The following PARVA variants were observed in gnomAD, a reference collection of about 807,000 sequenced individuals.
The protein encoded by PARVA is alpha-parvin.
A neutral mutation model predicts 52.6 loss-of-function variants in PARVA; 25 were observed. That is an observed-to-expected ratio of 0.48 (90% CI 0.35 to 0.66). The LOEUF (loss-of-function observed/expected upper bound fraction) is 0.66. Among genes scored for constraint, PARVA ranks in the 30% least tolerant of loss-of-function variants. The pLI is 0.01. For missense variants in PARVA, 373 were observed against 450.9 expected, an observed-to-expected ratio of 0.83 and a Z score of 1.56; for synonymous variants, 185 against 179.1, an observed-to-expected ratio of 1.03 and a Z score of -0.26.
chr11:12,404,482 C>T (rs1046707271), intron 1 of PARVA, among the ~76,000 whole-genome samples: 1 of 152,166 alleles, frequency 6.6e-6, no homozygotes, highest in African/African-American at 2.4e-5. Flanking sequence ...GGTGCTAGGA[C>T]CCAATCAGAG....
rs190833364 is a variant in PARVA at position 12,507,357 on chromosome 11, A to T, written c.658-1227A>T. Among the ~76,000 whole-genome samples, 21 of 152,084 alleles carry T rather than the reference A, an allele frequency of 1.4e-4. No homozygotes were observed. The East Asian group carries it at 3.9e-3, about 28-fold the overall frequency. ...GGTGTCTGGTGCTGGTGGTGGAGGG[A>T]CGTAGTAGAATGAATCTCCCTCCTC... On this transcript the variant is annotated intron_variant, in intron 6 of 12. Transcript: ENST00000334956.
intron 8 of PARVA, among the ~76,000 whole-genome samples, chr11:12,511,866 T>A: frequency 6.6e-6 from 1 of 152,204 alleles, no homozygotes; most frequent in Non-Finnish European, 1.5e-5. Context: ...GAGATTATGA[T>A]CTTGGTTTAT....
At chr11:12,383,015 T>C (rs1939515564) in intron 1 of PARVA, among the ~76,000 whole-genome samples, 1 of 152,226 alleles carries the variant, frequency 6.6e-6, no homozygotes, top group Middle Eastern at 3.2e-3. Context: ...TAGTAGCCCA[T>C]GACTATATGC....
chr11:12,494,788 C>T (rs1433169073), intron 4 of PARVA, among the ~76,000 whole-genome samples: 2 of 152,148 alleles, frequency 1.3e-5, no homozygotes, highest in Non-Finnish European at 2.9e-5. Context: ...AATGATGCAA[C>T]ACAGCAGAGC....
chr11:12,393,044 G>GA (rs60966710), intron 1 of PARVA, among the ~76,000 whole-genome samples: 1,204 of 45,432 alleles, frequency 0.027, 12 homozygotes, highest in East Asian at 0.096. Flanking sequence ...CCCAAATTGT[G>GA]AAAAAAAAAA....
intron 8 of PARVA, among the ~76,000 whole-genome samples, chr11:12,512,465 AG>A (rs1941514290): frequency 6.6e-6 from 1 of 151,746 alleles, no homozygotes; most frequent in Admixed American, 6.6e-5. Flanking sequence ...TCCCAGCCCC[AG>A]GTTCACCTTG....
intron 1 of PARVA, among the ~76,000 whole-genome samples, chr11:12,460,889 T>C (rs1015441301): frequency 1.3e-5 from 2 of 152,056 alleles, no homozygotes; most frequent in Non-Finnish European, 2.9e-5. Flanking sequence ...TTGCTTAGGG[T>C]TCTGCTGACA....
intron 1 of PARVA, among the ~76,000 whole-genome samples, chr11:12,416,415 A>G (rs1438747406): frequency 6.6e-6 from 1 of 152,206 alleles, no homozygotes; most frequent in East Asian, 1.9e-4. Context: ...AAACTAATGG[A>G]TCATTTACAG....
intron 4 of PARVA, among the ~76,000 whole-genome samples, chr11:12,484,370 G>A (rs1941129453): frequency 6.6e-6 from 1 of 152,158 alleles, no homozygotes; most frequent in South Asian, 2.1e-4. Context: ...TCAGAGATGA[G>A]AGTCATAAGC....
rs150357282 is a variant in PARVA, at chr11:12,420,900, C to T, written c.136+43117C>T. On this transcript the variant is annotated intron_variant, in intron 1 of 12. Coordinates refer to ENST00000334956, the MANE Select transcript of PARVA (RefSeq NM_018222.5). Reference sequence around the variant, plus strand: ...TAGAGTCCAGAGCCTGTCCTCTTCACACCACCCCACCCAGCGAGAATGGAA... The same window carrying T: ...TAGAGTCCAGAGCCTGTCCTCTTCATACCACCCCACCCAGCGAGAATGGAA... Among the ~76,000 whole-genome samples the T allele has an allele frequency of 7.9e-5, 12 of 152,276 alleles. No individual in the cohort carries two copies. In the East Asian group the frequency reaches 2.3e-3, roughly 29 times the overall value.
At chr11:12,518,191 G>A (rs1941594303) in intron 11 of PARVA, among the ~76,000 whole-genome samples, 1 of 152,210 alleles carries the variant, frequency 6.6e-6, no homozygotes, top group Non-Finnish European at 1.5e-5. Flanking sequence ...TGAAGTCCTG[G>A]CAGTTTACAC....
At chr11:12,470,494 T>C (rs1461195110) in intron 1 of PARVA, among the ~76,000 whole-genome samples, 2 of 152,194 alleles carry the variant, frequency 1.3e-5, no homozygotes, top group African/African-American at 4.8e-5. Flanking sequence ...ACAGAGCTGG[T>C]GAGTGGTAGA....
At chr11:12,498,250 G>A (rs1372069635) in intron 5 of PARVA, among the ~76,000 whole-genome samples, 1 of 152,080 alleles carries the variant, frequency 6.6e-6, no homozygotes, top group East Asian at 1.9e-4. Context: ...TGCCCAGGCT[G>A]GTCTCGAACT....
At chr11:12,377,952 G>A (rs1422940832) in intron 1 of PARVA, among the ~76,000 whole-genome samples, 169 bp downstream of exon 1, 1 of 148,170 alleles carries the variant, frequency 6.7e-6, no homozygotes, top group African/African-American at 2.4e-5. Flanking sequence ...GGAGCGACGC[G>A]CACCCCACAC....
At position 12,411,704 on chromosome 11, in the gene PARVA, A is replaced by G. The variant is rs866092120; in HGVS notation, c.136+33921A>G. The stretch of plus-strand genomic sequence containing the variant: ...GAATTGAACACAGAAATGTAAAGTT[A>G]GCAGATTATGGATGACCACTCCAGT... On this transcript the variant is annotated intron_variant, in intron 1 of 12. Coordinates refer to ENST00000334956, the MANE Select transcript of PARVA (RefSeq NM_018222.5). Among the ~76,000 whole-genome samples the G allele has an allele frequency of 2.6e-4, 40 of 152,348 alleles. 1 individual carries two copies. Among genetic ancestry groups the G allele is most frequent in the Middle Eastern group, 3.4e-3 (1 of 294 alleles).
At chr11:12,458,395 T>C (rs1346221) in intron 1 of PARVA, among the ~76,000 whole-genome samples, 8,587 of 152,292 alleles carry the variant, frequency 0.056, 833 homozygotes, top group African/African-American at 0.19. Context: ...ACTGACATCC[T>C]GATCATCTCA....
chr11:12,479,681 G>A (rs1941059702), intron 4 of PARVA: 1 of 152,190 alleles, frequency 6.6e-6, no homozygotes, highest in Non-Finnish European at 1.5e-5. Flanking sequence ...CTCTCTCTGA[G>A]GGACTATATA....
Position 12,464,594 on chromosome 11 carries a change from T to A in PARVA, c.137-9151T>A, listed in dbSNP as rs1469686359. On this transcript the variant is annotated intron_variant, in intron 1 of 12. Transcript: ENST00000334956. ...ATTCCCATCACCCCTTTCATTGAGG[T>A]CATCTCATACATTTGTAATACAGTT... Among the ~76,000 whole-genome samples, 3 of 152,300 alleles carry A rather than the reference T, an allele frequency of 2.0e-5. No homozygotes were observed. The East Asian group carries it at 5.8e-4, about 29-fold the overall frequency.
chr11:12,437,172 TAAAAA>T lies in PARVA; in HGVS notation c.137-36572_137-36568del, dbSNP rs148004405. On this transcript the variant is annotated intron_variant, in intron 1 of 12. Coordinates refer to ENST00000334956, the MANE Select transcript of PARVA (RefSeq NM_018222.5). Reference sequence around the variant, plus strand: ...GTATCAGTCTGCAATTATTTGGAAATAAAAAGAAAAGAAACTGGTCCTTTACTTCA... The same window carrying T: ...GTATCAGTCTGCAATTATTTGGAAATGAAAAGAAACTGGTCCTTTACTTCA... 5.2e-3 allele frequency among the ~76,000 whole-genome samples: 799 copies of T among 152,284 alleles called. 7 individuals carry two copies. Among genetic ancestry groups the T allele is most frequent in the African/African-American group, 0.018 (755 of 41,562 alleles).
Sources: gnomAD v4.1 joint callset for allele counts (sites outside exome capture counted in the v4.1 genomes callset) on GRCh38, gnomAD v4.1.1 for gene constraint, MANE v1.5 for transcripts, NCBI Gene and HGNC (gene_info 2026-07-23, HGNC 2026-07-21) for gene names.